Variants in KCNB2 observed in about 807,000 individuals in gnomAD.
KCNB2 encodes the protein potassium voltage-gated channel subfamily B member 2.
KCNB2 carries 15 observed loss-of-function variants against 61.5 expected under a neutral mutation model. That is an observed-to-expected ratio of 0.24 (90% CI 0.16 to 0.38). The LOEUF is 0.38. KCNB2 is among the 10% of genes least tolerant of loss of function. The pLI, the probability that KCNB2 is intolerant of heterozygous loss-of-function variation, is 1.00. For synonymous variants in KCNB2, 457 were observed against 446.0 expected, an observed-to-expected ratio of 1.02 and a Z score of -0.31; for missense variants, 828 against 1,125.2, an observed-to-expected ratio of 0.74 and a Z score of 3.78.
chr8:72,726,854 G>A (rs1034993274), intron 2 of KCNB2, among the ~76,000 whole-genome samples: 23 of 149,766 alleles, frequency 1.5e-4, no homozygotes, highest in African/African-American at 5.6e-4. Flanking sequence ...ACCTTCAGGA[G>A]GTACCTTCTC....
rs778594379 is a variant in KCNB2, at chr8:72,937,983, G to C, written c.2628G>C (p.Lys876Asn). 5.6e-6 allele frequency: 9 copies of C among 1,614,088 alleles called. 1 individual carries two copies. In the South Asian group the frequency reaches 9.9e-5, roughly 18 times the overall value. The change falls in exon 3 of 3, where the codon AAG (lysine) becomes AAC (asparagine). Residue 876 changes from lysine to asparagine, a missense_variant. By Grantham distance (94) the Lys-to-Asn change is moderately conservative. Transcript: ENST00000523207. Reference protein sequence around the residue: ...DIYHAVSEVKKDSSQEGCKME... With the variant: ...DIYHAVSEVKNDSSQEGCKME... Reference sequence around the variant, plus strand: ...ACCATGCTGTGAGTGAAGTCAAAAAGGACAGTAGTCAAGAAGGGTGCAAGA... The same window carrying C: ...ACCATGCTGTGAGTGAAGTCAAAAACGACAGTAGTCAAGAAGGGTGCAAGA...
intron 2 of KCNB2, among the ~76,000 whole-genome samples, chr8:72,689,026 G>A (rs904335264): frequency 6.6e-6 from 1 of 152,158 alleles, no homozygotes; most frequent in Non-Finnish European, 1.5e-5. Context: ...ACCATGCCCA[G>A]CCTATTCATT....
intron 2 of KCNB2, among the ~76,000 whole-genome samples, chr8:72,773,398 T>TGTA (rs1808593357): frequency 6.6e-6 from 1 of 152,230 alleles, no homozygotes; most frequent in African/African-American, 2.4e-5. Flanking sequence ...TTGTCAGAGA[T>TGTA]CTACATGCAA....
chr8:72,641,001 G>C (rs552616164), intron 2 of KCNB2, among the ~76,000 whole-genome samples: 44 of 152,086 alleles, frequency 2.9e-4, no homozygotes, highest in Non-Finnish European at 5.4e-4. Context: ...TATTGGGACA[G>C]GAGGTATGTG....
intron 2 of KCNB2, among the ~76,000 whole-genome samples, chr8:72,867,626 G>A (rs1456851689): frequency 6.6e-6 from 1 of 152,170 alleles, no homozygotes; most frequent in Admixed American, 6.5e-5. Context: ...AGCTACATTT[G>A]TCATGAATAT....
At chr8:72,567,314 A>C (rs76741393) in intron 1 of KCNB2, among the ~76,000 whole-genome samples, 1 of 152,236 alleles carries the variant, frequency 6.6e-6, no homozygotes, top group African/African-American at 2.4e-5. Flanking sequence ...CTGTCTCAAA[A>C]AAAAGAGTTG....
In KCNB2 at chr8:72,937,730, A is replaced by G. The variant is rs1371783455; in HGVS notation, c.2375A>G (p.Lys792Arg). 3 of 1,613,796 alleles carry G rather than the reference A, an allele frequency of 1.9e-6. No individual in the cohort carries two copies. Among genetic ancestry groups the G allele is most frequent in the Non-Finnish European group, 2.5e-6 (3 of 1,180,018 alleles). ...CTGTCCCCCAGGTTTCCCAAGCAGA[A>G]ACTGTTCCCTTTCTCTTCAAGAGAG... ...KGLSPRFPKQ[K>R]LFPFSSRERR... The change falls in exon 3 of 3, where the codon AAA (lysine) becomes AGA (arginine). Residue 792 changes from lysine (K) to arginine (R), a missense_variant. Transcript: ENST00000523207.
intron 2 of KCNB2, among the ~76,000 whole-genome samples, chr8:72,811,923 G>A (rs1206630312): frequency 6.6e-6 from 1 of 152,192 alleles, no homozygotes; most frequent in Admixed American, 6.6e-5. Flanking sequence ...AAAAATTGTA[G>A]CATTAGCATG....
At chr8:72,896,769 T>G (rs1284873891) in intron 2 of KCNB2, among the ~76,000 whole-genome samples, 6 of 152,142 alleles carry the variant, frequency 3.9e-5, no homozygotes, top group Non-Finnish European at 8.8e-5. Flanking sequence ...ACCATCTTAA[T>G]GGAGGGTTCT....
chr8:72,919,096 CA>C (rs1489983708), intron 2 of KCNB2, among the ~76,000 whole-genome samples: 1 of 152,184 alleles, frequency 6.6e-6, no homozygotes, highest in Non-Finnish European at 1.5e-5. Context: ...TTATCATCTC[CA>C]AAGGAGATAT....
intron 2 of KCNB2, among the ~76,000 whole-genome samples, chr8:72,837,817 T>A (rs1809806519): frequency 1.0e-5 from 1 of 97,184 alleles, no homozygotes; most frequent in Non-Finnish European, 2.3e-5. Flanking sequence ...CTTCCTATGC[T>A]AACTTCAATC....
At chr8:72,750,279 T>C (rs1467555842) in intron 2 of KCNB2, 1 of 152,186 alleles carries the variant, frequency 6.6e-6, no homozygotes, top group Non-Finnish European at 1.5e-5. Context: ...AATTTACCTG[T>C]TCTCCCAGCA....
At chr8:72,650,887 A>T (rs1344943490) in intron 2 of KCNB2, among the ~76,000 whole-genome samples, 1 of 152,172 alleles carries the variant, frequency 6.6e-6, no homozygotes, top group Non-Finnish European at 1.5e-5. Context: ...AACGACTTTT[A>T]ATCTTCCCAT....
intron 2 of KCNB2, among the ~76,000 whole-genome samples, chr8:72,861,401 A>T (rs1805404949): frequency 6.6e-6 from 1 of 152,250 alleles, no homozygotes; most frequent in African/African-American, 2.4e-5. Flanking sequence ...CTTACCTGAC[A>T]GTCTTTCAGA....
At chr8:72,895,079 A>G (rs1805969869) in intron 2 of KCNB2, among the ~76,000 whole-genome samples, 1 of 152,214 alleles carries the variant, frequency 6.6e-6, no homozygotes, top group Admixed American at 6.5e-5. Context: ...TGAACACAAC[A>G]GAATGATACT....
chr8:72,886,140 T>A (rs548454491), intron 2 of KCNB2, among the ~76,000 whole-genome samples: 232 of 152,340 alleles, frequency 1.5e-3, no homozygotes, highest in African/African-American at 5.3e-3. Flanking sequence ...TAAAAACATA[T>A]TGCTTTTTAG....
chr8:72,811,155 C>CTTT lies in KCNB2; in HGVS notation c.580-124766_580-124764dup, dbSNP rs34236600. ...CAGATACCAGATATGGAAGGGATTT[C>CTTT]TTTTTTTTTTTTTTTTAACCTTCTT... On this transcript the variant is annotated intron_variant, in intron 2 of 2. Coordinates refer to ENST00000523207, the MANE Select transcript of KCNB2 (RefSeq NM_004770.3). Among the ~76,000 whole-genome samples the CTTT allele has an allele frequency of 3.3e-3, 463 of 140,178 alleles. 7 individuals carry two copies. Among genetic ancestry groups the CTTT allele is most frequent in the Middle Eastern group, 0.012 (3 of 256 alleles). The allele number at this position is 140,178 out of a possible 152,430, so 92.0% of individuals were successfully genotyped here. A position where few individuals can be genotyped will look rare whatever the true frequency, so the allele number is the denominator to read the frequency against.
intron 1 of KCNB2, among the ~76,000 whole-genome samples, chr8:72,544,289 G>A (rs912121698): frequency 2.0e-5 from 3 of 152,184 alleles, no homozygotes; most frequent in Admixed American, 6.5e-5. Context: ...GGCTGAAGAA[G>A]GTTGAGGATT....
intron 2 of KCNB2, among the ~76,000 whole-genome samples, chr8:72,796,437 C>T (rs1467639830): frequency 1.3e-5 from 2 of 151,894 alleles, no homozygotes; most frequent in African/African-American, 2.4e-5. Flanking sequence ...ATACAGCCAG[C>T]GATTTGGTAA....
Sources: gnomAD v4.1 joint callset for allele counts (sites outside exome capture counted in the v4.1 genomes callset) on GRCh38, gnomAD v4.1.1 for gene constraint, MANE v1.5 for transcripts, NCBI Gene and HGNC (gene_info 2026-07-23, HGNC 2026-07-21) for gene names.